The following FER1L5 variants were observed in gnomAD, a reference collection of about 807,000 sequenced individuals.
The protein encoded by FER1L5 is fer-1 like family member 5, also known as fer-1-like protein 5.
FER1L5 carries 187 observed loss-of-function variants against 279.9 expected under a neutral mutation model. That is an observed-to-expected ratio of 0.67 (90% CI 0.59 to 0.75). The LOEUF (loss-of-function observed/expected upper bound fraction) is 0.75, where lower values mean the gene tolerates loss of function less well. Ranked by LOEUF, FER1L5 falls within the 30% of genes least tolerant of loss-of-function variation. FER1L5 has a pLI of 0.00. For missense variants in FER1L5, 2,091 were observed against 2,594.4 expected, an observed-to-expected ratio of 0.81 and a Z score of 4.21; for synonymous variants, 921 against 989.7, an observed-to-expected ratio of 0.93 and a Z score of 1.30.
At chr2:96,670,327 C>A in intron 18 of FER1L5, 80 bp downstream of exon 18, 1 of 1,522,874 alleles carries the variant, frequency 6.6e-7, no homozygotes, top group Non-Finnish European at 8.8e-7. Context: ...CAGTTTCTGA[C>A]CGTGTAGAGA....
chr2:96,659,368 T>TCTTTCTTTCTTTCTTTCTTTCTTTCTTTC (rs2075789971), intron 9 of FER1L5, among the ~76,000 whole-genome samples: 1 of 11,490 alleles, frequency 8.7e-5, no homozygotes, highest in Admixed American at 1.2e-3. Context: ...CTTCCTTCTT[T>TCTTTCTTTCTTTCTTTCTTTCTTTCTTTC]CTTTCTTTCT....
chr2:96,651,117 A>G (rs2075342990), intron 6 of FER1L5, among the ~76,000 whole-genome samples: 1 of 152,162 alleles, frequency 6.6e-6, no homozygotes, highest in African/African-American at 2.4e-5. Flanking sequence ...TCCTTTTGCA[A>G]TGGCTTCCCG....
At chr2:96,685,903 G>C in intron 21 of FER1L5, 37 bp from the exon 22 acceptor site, 1 of 1,482,342 alleles carries the variant, frequency 6.7e-7, no homozygotes, top group Non-Finnish European at 9.0e-7. Context: ...GGAGGCAGTA[G>C]AGAGGTCCAG....
Position 96,659,511 on chromosome 2 carries a change from A to C in FER1L5, c.748-830A>C, listed in dbSNP as rs1312340764. Reference sequence around the variant, plus strand: ...TTTCTTTCTTTCTTTCTTTCTTTCGAGACAGAGTCTCGCTCTGTCGCCCAG... The same window carrying C: ...TTTCTTTCTTTCTTTCTTTCTTTCGCGACAGAGTCTCGCTCTGTCGCCCAG... On this transcript the variant is annotated intron_variant, in intron 9 of 52. Coordinates refer to ENST00000624922, the MANE Select transcript of FER1L5 (RefSeq NM_001293083.2). Among the ~76,000 whole-genome samples the C allele has an allele frequency of 7.6e-4, 12 of 15,748 alleles. 3 individuals carry two copies. In the East Asian group the frequency reaches 0.016, roughly 22 times the overall value. The allele number at this position is 15,748 out of a possible 152,430, so 10.3% of individuals were successfully genotyped here.
At chr2:96,693,039 G>C (rs2077218049) in intron 31 of FER1L5, among the ~76,000 whole-genome samples, 1 of 152,106 alleles carries the variant, frequency 6.6e-6, no homozygotes, top group South Asian at 2.1e-4. Flanking sequence ...AGCCGGGCGT[G>C]GTGGCGGGCG....
Position 96,697,591 on chromosome 2 carries a change from GC to G in FER1L5, c.4134+19del. On this transcript the variant is annotated intron_variant, in intron 38 of 52. Coordinates refer to ENST00000624922, the MANE Select transcript of FER1L5 (RefSeq NM_001293083.2). ...GTAAAGCAGAGGTGATGAAGGCTCA[GC>G]CCCATTCAGTGCAGGGAGGTGGGGG... 1 of 1,613,794 alleles carries G rather than the reference GC, an allele frequency of 6.2e-7. No individual in the cohort carries two copies. Among genetic ancestry groups the G allele is most frequent in the Non-Finnish European group, 8.5e-7 (1 of 1,179,778 alleles).
In FER1L5 at chr2:96,660,258, C is replaced by A. The variant is rs556771980; in HGVS notation, c.748-83C>A. The A allele has an allele frequency of 2.4e-5, 35 of 1,429,902 alleles. No homozygotes were observed. In the Middle Eastern group the frequency reaches 3.8e-3, roughly 156 times the overall value. 88.6% of individuals were successfully genotyped at this position (1,429,902 alleles called of 1,614,324 possible). A position where few individuals can be genotyped will look rare whatever the true frequency, so the allele number is the denominator to read the frequency against. On this transcript the variant is annotated intron_variant, in intron 9 of 52. Coordinates refer to ENST00000624922, the MANE Select transcript of FER1L5 (RefSeq NM_001293083.2). ...AGAGAACATACTGAAGCCCCAACAG[C>A]TAGCAGTTGGGTCAGGTTAGTTGGT...
chr2:96,703,340 C>T lies in FER1L5; in HGVS notation c.5685C>T (p.Arg1895=), dbSNP rs1220748931. ...AGGTCCTCGATGGTGGCAAATGGCG[C>T]TTGTCGGTAGGAGCTGGGGAGTGTC... ...PCQVLDGGKW[R]LSGKVKMSLE... Residue 1895 remains arginine (R), a synonymous_variant, in exon 50 of 53, where the codon CGC becomes CGT. Transcript: ENST00000624922. The T allele has an allele frequency of 1.2e-6, 2 of 1,609,210 alleles. No homozygotes were observed. Among genetic ancestry groups the T allele is most frequent in the Non-Finnish European group, 1.7e-6 (2 of 1,177,640 alleles).
chr2:96,698,692 T>C lies in FER1L5; in HGVS notation c.4378T>C (p.Phe1460Leu). 1 of 1,589,050 alleles carries C rather than the reference T, an allele frequency of 6.3e-7. No individual in the cohort carries two copies. Among genetic ancestry groups the C allele is most frequent in the South Asian group, 1.2e-5 (1 of 86,712 alleles). ...CCAGGGCCTTTTCCGCATCTACCCC[T>C]TTCCTGAGAATCCAGAAGCCCCAAA... The part of the protein sequence containing the change: ...EFKGLFRIYP[F>L]PENPEAPKPP... The change falls in exon 41 of 53, where the codon TTT (phenylalanine) becomes CTT (leucine). Residue 1460 changes from phenylalanine (F) to leucine (L), a missense_variant. Transcript: ENST00000624922. This position sits in a 1 kb window ranked among gnomAD's most constrained non-coding sequence, Gnocchi z 5.5.
chr2:96,691,150 G>C lies in FER1L5; in HGVS notation c.2744-40G>C. 1 of 1,514,294 alleles carries C rather than the reference G, an allele frequency of 6.6e-7. No homozygotes were observed. The highest frequency in any genetic ancestry group is 1.3e-5 in the South Asian group (1 of 79,786). 93.8% of individuals were successfully genotyped at this position (1,514,294 alleles called of 1,614,324 possible). A position where few individuals can be genotyped will look rare whatever the true frequency, so the allele number is the denominator to read the frequency against. On this transcript the variant is annotated intron_variant, in intron 27 of 52. Coordinates refer to ENST00000624922, the MANE Select transcript of FER1L5 (RefSeq NM_001293083.2). The surrounding 1 kb of genome is among the most constrained non-coding windows in gnomAD (Gnocchi z 6.0). ...GTTTGTCCAGGCCTCCCAACCTGCG[G>C]GCACCTGAGGACTCAGAGGCCATGG...
In FER1L5 at chr2:96,689,183, C is replaced by T. The variant is rs1021724989; in HGVS notation, c.2362-30C>T. The T allele has an allele frequency of 3.9e-6, 6 of 1,545,788 alleles. No homozygotes were observed. Among genetic ancestry groups the T allele is most frequent in the Admixed American group, 4.0e-5 (2 of 49,968 alleles). ...TCCCCGCACTTTGTGCTAGAGGAGG[C>T]GGCCGCCCTGACAAGCTTCCCTCCC... On this transcript the variant is annotated intron_variant, in intron 24 of 52. Coordinates refer to ENST00000624922, the MANE Select transcript of FER1L5 (RefSeq NM_001293083.2). The surrounding 1 kb of genome is among the most constrained non-coding windows in gnomAD (Gnocchi z 4.6).
In FER1L5 at chr2:96,703,522, G is replaced by A. The variant is rs767890914; in HGVS notation, c.5692-1G>A. 1.2e-6 allele frequency: 2 copies of A among 1,613,900 alleles called. No homozygotes were observed. Among genetic ancestry groups the A allele is most frequent in the Non-Finnish European group, 1.7e-6 (2 of 1,179,844 alleles). On this transcript the variant is annotated splice_acceptor_variant, in intron 50 of 52. Coordinates refer to ENST00000624922, the MANE Select transcript of FER1L5 (RefSeq NM_001293083.2). LOFTEE classifies it high-confidence loss of function. ...CTCCCCCTCACCCATGGTGTTCCTA[G>A]GGCAAGGTGAAGATGAGCCTGGAGA...
chr2:96,647,675 C>T (rs2075194271), intron 3 of FER1L5, 103 bp from the exon 4 acceptor site: 1 of 813,886 alleles, frequency 1.2e-6, no homozygotes, highest in Non-Finnish European at 2.0e-6. Context: ...GAGGACAGCA[C>T]AGCCCTGGGA....
intron 19 of FER1L5, among the ~76,000 whole-genome samples, chr2:96,682,489 T>C (rs2076766671): frequency 6.6e-6 from 1 of 152,232 alleles, no homozygotes; most frequent in Non-Finnish European, 1.5e-5. Context: ...ACTGATGCTG[T>C]ATATGCCCTT....
At chr2:96,646,259 A>G in intron 1 of FER1L5, 142 bp from the exon 2 acceptor site, 1 of 751,690 alleles carries the variant, frequency 1.3e-6, no homozygotes, top group South Asian at 1.7e-5. Flanking sequence ...CGGCCTCCCA[A>G]AGTGCTGAGA....
chr2:96,683,699 T>G (rs2076816890), intron 19 of FER1L5, among the ~76,000 whole-genome samples: 1 of 152,192 alleles, frequency 6.6e-6, no homozygotes, highest in Admixed American at 6.5e-5. Context: ...CCAAGAACTT[T>G]CCAGAAATTT....
intron 43 of FER1L5, 41 bp downstream of exon 43, chr2:96,699,761 T>C: frequency 6.2e-7 from 1 of 1,605,998 alleles, no homozygotes; most frequent in Non-Finnish European, 8.5e-7. Flanking sequence ...TCAGGTGGGG[T>C]GGAAGAGTGA....
chr2:96,677,566 G>A (rs72941235), intron 19 of FER1L5, among the ~76,000 whole-genome samples: 9,608 of 152,084 alleles, frequency 0.063, 580 homozygotes, highest in African/African-American at 0.15. Flanking sequence ...CCACCTCTTA[G>A]CTATTAAGAA....
chr2:96,651,241 T>TTCTTTC (rs2075353355), intron 6 of FER1L5, among the ~76,000 whole-genome samples: 1 of 24,232 alleles, frequency 4.1e-5, no homozygotes, highest in Non-Finnish European at 9.1e-5. Flanking sequence ...TTCTTTCTCT[T>TTCTTTC]TCTTTCTTTC....
Sources: gnomAD v4.1 joint callset for allele counts (sites outside exome capture counted in the v4.1 genomes callset) on GRCh38, gnomAD v4.1.1 for gene constraint, Gnocchi (gnomAD v3.1) non-coding constraint, MANE v1.5 for transcripts, NCBI Gene and HGNC (gene_info 2026-07-23, HGNC 2026-07-21) for gene names.